The following CENPT variants were observed in gnomAD, a reference collection of about 807,000 sequenced individuals.
CENPT encodes the protein centromere protein T, also known as interphase centromere complex protein 22.
A neutral mutation model predicts 59.7 loss-of-function variants in CENPT; 42 were observed. The observed-to-expected ratio is 0.70, with a 90% CI of 0.55 to 0.91. CENPT has a LOEUF of 0.91. Ranked by LOEUF, CENPT falls within the 40% of genes least tolerant of loss-of-function variation. The pLI is 0.00. For missense variants in CENPT, 716 were observed against 713.4 expected (o/e 1.00, Z -0.04); for synonymous variants, 295 against 289.6 (o/e 1.02, Z -0.19).
rs936165489 is a variant in CENPT, at chr16:67,833,772, G to C, written c.88C>G (p.Arg30Gly). ...TACCCAGCCCGAGCACTCCGGGGTCGCCGCGGGGTGCGCGGGTCCGCTGTA... is the reference window on the plus strand; with the variant it reads ...TACCCAGCCCGAGCACTCCGGGGTCCCCGCGGGGTGCGCGGGTCCGCTGTA... Reference protein sequence around the residue: ...LDTADPRTPRRPRSARAGARR... With the variant: ...LDTADPRTPRGPRSARAGARR... Residue 30 changes from arginine to glycine, a missense_variant, in exon 4 of 16, where the codon CGA becomes GGA. Coordinates refer to ENST00000562787, the MANE Select transcript of CENPT (RefSeq NM_025082.4). 6.4e-7 allele frequency: 1 copy of C among 1,557,190 alleles called. No individual in the cohort carries two copies. Among genetic ancestry groups the C allele is most frequent in the Non-Finnish European group, 8.7e-7 (1 of 1,154,376 alleles).
chr16:67,839,392 A>G (rs1346265528), intron 1 of CENPT, among the ~76,000 whole-genome samples: 4 of 151,336 alleles, frequency 2.6e-5, no homozygotes, highest in Admixed American at 6.6e-5. Flanking sequence ...AAAAAAAAAA[A>G]AAAAAAAACC....
chr16:67,843,651 A>T lies in CENPT; in HGVS notation c.-492+3750T>A, dbSNP rs573372884. 36 of 747,978 alleles carry T rather than the reference A, an allele frequency of 4.8e-5. No individual in the cohort carries two copies. The highest frequency in any genetic ancestry group is 2.9e-4 in the Admixed American group (9 of 31,334). 46.3% of individuals were successfully genotyped at this position (747,978 alleles called of 1,614,324 possible). A position where few individuals can be genotyped will look rare whatever the true frequency, so the allele number is the denominator to read the frequency against. On this transcript the variant is annotated intron_variant, in intron 1 of 15. Coordinates refer to ENST00000562787, the MANE Select transcript of CENPT (RefSeq NM_025082.4). This position sits in a 1 kb window ranked among gnomAD's most constrained non-coding sequence, Gnocchi z 5.7. ...TCTTGCTGGTGACCTGGCATCCTCA[A>T]TTGTTTCCTCCTGAAGTGGAAGCTG... is the stretch of plus-strand genomic sequence containing the variant.
In CENPT at chr16:67,843,211, G is replaced by A. The variant is rs775490431; in HGVS notation, c.-492+4190C>T. On this transcript the variant is annotated intron_variant, in intron 1 of 15. Coordinates refer to ENST00000562787, the MANE Select transcript of CENPT (RefSeq NM_025082.4). The surrounding 1 kb of genome is among the most constrained non-coding windows in gnomAD (Gnocchi z 5.7). Reference sequence around the variant, plus strand: ...TACAGGCTGCTACCGCAGGGCTGGAGGCTGCCGAGTGCCCTATGGGCCCCC... The same window carrying A: ...TACAGGCTGCTACCGCAGGGCTGGAAGCTGCCGAGTGCCCTATGGGCCCCC... The A allele has an allele frequency of 1.2e-6, 2 of 1,611,840 alleles. No homozygotes were observed. The highest frequency in any genetic ancestry group is 1.1e-5 in the South Asian group (1 of 91,070).
chr16:67,846,362 T>G (rs925372338), intron 1 of CENPT, among the ~76,000 whole-genome samples: 5 of 152,236 alleles, frequency 3.3e-5, no homozygotes, highest in African/African-American at 9.6e-5. Context: ...GGCCCAAGAA[T>G]AGCCTAGCCT....
chr16:67,843,555 A>G lies in CENPT; in HGVS notation c.-492+3846T>C. 1 of 1,551,022 alleles carries G rather than the reference A, an allele frequency of 6.4e-7. No individual in the cohort carries two copies. On this transcript the variant is annotated intron_variant, in intron 1 of 15. Coordinates refer to ENST00000562787, the MANE Select transcript of CENPT (RefSeq NM_025082.4). The surrounding 1 kb of genome is among the most constrained non-coding windows in gnomAD (Gnocchi z 5.7). ...AGACCCCATCCAGCCAGGGGACCGC[A>G]GGCCATTGTTGAACTCCTCTATACT...
Position 67,830,269 on chromosome 16 carries a change from A to G in CENPT, c.862+121T>C, listed in dbSNP as rs1182139495. The G allele has an allele frequency of 9.1e-6, 12 of 1,324,648 alleles. No homozygotes were observed. The African/African-American group carries it at 1.7e-4, about 19-fold the overall frequency. The allele number at this position is 1,324,648 out of a possible 1,614,324, so 82.1% of individuals were successfully genotyped here. On this transcript the variant is annotated intron_variant, in intron 11 of 15. Transcript: ENST00000562787. Reference sequence around the variant, plus strand: ...CCAACATGGACTCTGCTCTTGGATGAAGGAGGCAGCCACAGCCAGGGTGCT... The same window carrying G: ...CCAACATGGACTCTGCTCTTGGATGGAGGAGGCAGCCACAGCCAGGGTGCT...
At chr16:67,840,367 A>G (rs1019257307) in intron 1 of CENPT, among the ~76,000 whole-genome samples, 1 of 152,196 alleles carries the variant, frequency 6.6e-6, no homozygotes, top group African/African-American at 2.4e-5. Context: ...TTTCTATTTC[A>G]TGCCTGTGAT....
intron 13 of CENPT, 21 bp from the exon 14 acceptor site, chr16:67,828,864 A>C (rs1483509551): frequency 6.4e-7 from 1 of 1,563,994 alleles, no homozygotes; most frequent in Non-Finnish European, 8.6e-7. Flanking sequence ...CAGTGGACAG[A>C]GGGGGCTGAA....
At chr16:67,832,580 G>A (rs752838477) in intron 4 of CENPT, 35 bp from the exon 5 acceptor site, 21 of 1,561,040 alleles carry the variant, frequency 1.3e-5, no homozygotes, top group South Asian at 3.3e-5. Flanking sequence ...CGAGAATTAC[G>A]GTGAGGAGGG....
intron 1 of CENPT, among the ~76,000 whole-genome samples, chr16:67,837,479 C>G (rs2057740558): frequency 6.6e-6 from 1 of 151,726 alleles, no homozygotes. Flanking sequence ...GAGGCCGAGG[C>G]AGGTGGATCA....
intron 1 of CENPT, chr16:67,847,099 C>T (rs1053942297): frequency 6.7e-6 from 1 of 148,954 alleles, no homozygotes; most frequent in Admixed American, 6.6e-5. Context: ...CCCCCCCCCC[C>T]GGCGGCCCGA....
Position 67,842,507 on chromosome 16 carries a change from G to A in CENPT, c.-492+4894C>T. 7.0e-7 allele frequency: 1 copy of A among 1,426,210 alleles called. No individual in the cohort carries two copies. Among genetic ancestry groups the A allele is most frequent in the South Asian group, 1.5e-5 (1 of 67,268 alleles). 88.3% of individuals were successfully genotyped at this position (1,426,210 alleles called of 1,614,324 possible). A position where few individuals can be genotyped will look rare whatever the true frequency, so the allele number is the denominator to read the frequency against. On this transcript the variant is annotated intron_variant, in intron 1 of 15. Coordinates refer to ENST00000562787, the MANE Select transcript of CENPT (RefSeq NM_025082.4). The surrounding 1 kb of genome is among the most constrained non-coding windows in gnomAD (Gnocchi z 4.9). ...GCGGCGGCGTAGCCACTGGGCCGTC[G>A]AAGAGCGCAGGAGGCCGGTGGGCCG...
chr16:67,846,652 C>G (rs1312847057), intron 1 of CENPT: 1 of 152,420 alleles, frequency 6.6e-6, no homozygotes, highest in African/African-American at 2.4e-5. Flanking sequence ...CAGCTGAGAC[C>G]AGGAGACAAC....
Position 67,830,484 on chromosome 16 carries a change from G to A in CENPT, c.768C>T (p.His256=). 1.2e-6 allele frequency: 2 copies of A among 1,614,172 alleles called. No individual in the cohort carries two copies. Among genetic ancestry groups the A allele is most frequent in the African/African-American group, 1.3e-5 (1 of 75,074 alleles). ...QPMVGSPNVY[H]SLPCTPHTGA... is the part of the protein sequence containing the mutation. The stretch of plus-strand genomic sequence containing the variant: ...CAGTGTGAGGCGTGCAGGGCAGGGA[G>A]TGATACACGTTGGGGGAGCCAACCA... Residue 256 remains histidine (H), a synonymous_variant, in exon 11 of 16, where the codon CAC becomes CAT. Coordinates refer to ENST00000562787, the MANE Select transcript of CENPT (RefSeq NM_025082.4).
In CENPT at chr16:67,842,895, A is replaced by G; in HGVS notation, c.-492+4506T>C. On this transcript the variant is annotated intron_variant, in intron 1 of 15. Coordinates refer to ENST00000562787, the MANE Select transcript of CENPT (RefSeq NM_025082.4). This position sits in a 1 kb window ranked among gnomAD's most constrained non-coding sequence, Gnocchi z 4.9. ...CAGCAACAGCAGCAGCAGCAGCAAC[A>G]GCAGCAACAGCAGCAGCAGCAGCAA... 1.3e-6 allele frequency: 2 copies of G among 1,587,310 alleles called. No homozygotes were observed. Among genetic ancestry groups the G allele is most frequent in the African/African-American group, 1.4e-5 (1 of 71,242 alleles).
chr16:67,831,101 G>T, intron 10 of CENPT, 115 bp downstream of exon 10: 1 of 1,371,378 alleles, frequency 7.3e-7, no homozygotes, highest in Non-Finnish European at 1.0e-6. Flanking sequence ...GACCAGAGTT[G>T]CTCGCTGTCC....
Position 67,832,440 on chromosome 16 carries a change from G to A in CENPT, c.201+15C>T, listed in dbSNP as rs751388361. 1 of 1,613,768 alleles carries A rather than the reference G, an allele frequency of 6.2e-7. No individual in the cohort carries two copies. Among genetic ancestry groups the A allele is most frequent in the East Asian group, 2.2e-5 (1 of 44,886 alleles). Reference sequence around the variant, plus strand: ...GCAGCCAGGGCCCTTTGGGGTCAGTGGGCTGGGTACTTACCCTGGCTCCAT... The same window carrying A: ...GCAGCCAGGGCCCTTTGGGGTCAGTAGGCTGGGTACTTACCCTGGCTCCAT... On this transcript the variant is annotated intron_variant, in intron 5 of 15. Transcript: ENST00000562787.
intron 5 of CENPT, 30 bp downstream of exon 5, chr16:67,832,425 C>T: frequency 6.2e-7 from 1 of 1,611,936 alleles, no homozygotes. Context: ...GCAGCCAGGG[C>T]CCTTTGGGGT....
chr16:67,842,923 G>GCAGCAA lies in CENPT; in HGVS notation c.-492+4477_-492+4478insTTGCTG, dbSNP rs1555494453. The GCAGCAA allele has an allele frequency of 2.7e-4, 192 of 705,498 alleles. No individual in the cohort carries two copies. Among genetic ancestry groups the GCAGCAA allele is most frequent in the South Asian group, 3.6e-4 (9 of 25,326 alleles). 43.7% of individuals were successfully genotyped at this position (705,498 alleles called of 1,614,324 possible). ...AGCAACAGCAGCAGCAGCAGCAACAGCAGCAGCAGCAGCAGCAGCAGCAGC... is the reference window on the plus strand; with the variant it reads ...AGCAACAGCAGCAGCAGCAGCAACAGCAGCAACAGCAGCAGCAGCAGCAGCAGCAGC... On this transcript the variant is annotated intron_variant, in intron 1 of 15. Transcript: ENST00000562787. The surrounding 1 kb of genome is among the most constrained non-coding windows in gnomAD (Gnocchi z 4.9).
Sources: gnomAD v4.1 joint callset for allele counts (sites outside exome capture counted in the v4.1 genomes callset) on GRCh38, gnomAD v4.1.1 for gene constraint, Gnocchi (gnomAD v3.1) non-coding constraint, MANE v1.5 for transcripts, NCBI Gene and HGNC (gene_info 2026-07-23, HGNC 2026-07-21) for gene names.